CSMD3: variants seen among roughly 807,000 people sequenced by gnomAD.
CSMD3 encodes CUB and Sushi multiple domains 3, also known as CUB and sushi domain-containing protein 3.
A neutral mutation model predicts 435.2 loss-of-function variants in CSMD3; 177 were observed. That is an observed-to-expected ratio of 0.41 (90% CI 0.36 to 0.46). The LOEUF (loss-of-function observed/expected upper bound fraction) is 0.46, where lower values mean the gene tolerates loss of function less well. CSMD3 is among the 20% of genes least tolerant of loss of function. The probability of loss-of-function intolerance (pLI) is 0.34; values close to 1 mark genes in which losing one functional copy is unlikely to be tolerated. For missense variants in CSMD3, 4,265 were observed against 4,504.6 expected, an observed-to-expected ratio of 0.95 and a Z score of 1.52; for synonymous variants, 1,656 against 1,520.5, an observed-to-expected ratio of 1.09 and a Z score of -2.07.
At chr8:113,417,830 A>G (rs1226036982) in intron 1 of CSMD3, among the ~76,000 whole-genome samples, 2 of 152,118 alleles carry the variant, frequency 1.3e-5, no homozygotes, top group African/African-American at 4.8e-5. Flanking sequence ...CCACAAAATT[A>G]AATCAAATGA....
intron 5 of CSMD3, among the ~76,000 whole-genome samples, chr8:113,063,119 A>T (rs1224703678): frequency 6.6e-6 from 1 of 151,612 alleles, no homozygotes; most frequent in Non-Finnish European, 1.5e-5. Flanking sequence ...AATATTTTAC[A>T]TTTGAAGTTT....
chr8:113,414,683 G>A (rs540435632), intron 1 of CSMD3, among the ~76,000 whole-genome samples: 1 of 150,676 alleles, frequency 6.6e-6, no homozygotes, highest in South Asian at 2.1e-4. Context: ...AGTACTGGGA[G>A]GGCACAGTGG....
At chr8:112,687,288 C>T (rs182985525) in intron 14 of CSMD3, among the ~76,000 whole-genome samples, 2 of 152,004 alleles carry the variant, frequency 1.3e-5, no homozygotes, top group Non-Finnish European at 2.9e-5. Flanking sequence ...TCTTTGACTA[C>T]TAGAGAAGTT....
chr8:113,204,634 C>T (rs562752361), intron 3 of CSMD3, among the ~76,000 whole-genome samples: 1 of 152,166 alleles, frequency 6.6e-6, no homozygotes, highest in East Asian at 1.9e-4. Context: ...AACTTTCAGT[C>T]CTACAAGCTC....
intron 34 of CSMD3, 51 bp downstream of exon 34, chr8:112,408,266 TG>T (rs35988509): frequency 1 from 1,186,819 of 1,186,832 alleles, 593,403 homozygotes; most frequent in Middle Eastern, 1. Context: ...GAATACATCA[TG>T]GGAAAATTAT....
intron 61 of CSMD3, among the ~76,000 whole-genome samples, chr8:112,256,511 G>A (rs944902003): frequency 6.6e-6 from 1 of 152,152 alleles, no homozygotes; most frequent in African/African-American, 2.4e-5. Context: ...TTCTGCTGGG[G>A]CATGGCTAGC....
At position 112,341,575 on chromosome 8, in the gene CSMD3, T is replaced by A. The variant is rs951272884; in HGVS notation, c.6554A>T (p.Gln2185Leu). ...GGTGCTGAATAAGGAAGATGGTATT[T>A]GAGGACCACTAAGCCGGCCAATAAC... ...STVIGRLSGP[Q>L]IPSSLFSTTH... Residue 2185 changes from glutamine (Q) to leucine (L), a missense_variant, in exon 42 of 71, where the codon CAA becomes CTA. By Grantham distance (113) the Gln-to-Leu change is moderately radical. This residue lies in a region of CSMD3 where 3,255 missense variants were observed against 3,380.2 expected (regional missense o/e 0.96). Transcript: ENST00000297405. 1.2e-5 allele frequency: 19 copies of A among 1,612,888 alleles called. No individual in the cohort carries two copies. The highest frequency in any genetic ancestry group is 1.5e-5 in the Non-Finnish European group (18 of 1,178,974).
At chr8:113,341,185 A>G (rs1211617603) in intron 1 of CSMD3, among the ~76,000 whole-genome samples, 1 of 152,158 alleles carries the variant, frequency 6.6e-6, no homozygotes, top group Non-Finnish European at 1.5e-5. Flanking sequence ...ACATGTATGT[A>G]TATATGCATA....
At chr8:112,623,269 C>G (rs2131525695) in intron 22 of CSMD3, among the ~76,000 whole-genome samples, 1 of 152,234 alleles carries the variant, frequency 6.6e-6, no homozygotes, top group East Asian at 1.9e-4. Context: ...TCAGTTTTAC[C>G]TGTTTTACTA....
At chr8:113,307,063 T>C (rs901286803) in intron 2 of CSMD3, among the ~76,000 whole-genome samples, 1 of 152,142 alleles carries the variant, frequency 6.6e-6, no homozygotes, top group Non-Finnish European at 1.5e-5. Context: ...TAATGAAATA[T>C]ATTCTAGAAT....
chr8:112,238,613 A>G (rs979173197), intron 66 of CSMD3, among the ~76,000 whole-genome samples: 6 of 151,834 alleles, frequency 4.0e-5, no homozygotes, highest in East Asian at 1.9e-4. Context: ...ATACTGCTGA[A>G]TGTTTTCTCA....
chr8:113,238,036 T>C (rs931244166), intron 3 of CSMD3, among the ~76,000 whole-genome samples: 4 of 146,634 alleles, frequency 2.7e-5, no homozygotes, highest in South Asian at 2.2e-4. Flanking sequence ...TATCACACCA[T>C]TGCACTCCAG....
intron 1 of CSMD3, among the ~76,000 whole-genome samples, chr8:113,403,921 T>C (rs2094521336): frequency 6.6e-6 from 1 of 151,450 alleles, no homozygotes; most frequent in Non-Finnish European, 1.5e-5. Context: ...TGTAAAGTTT[T>C]AGTTTCACTC....
chr8:112,318,328 T>G (rs1822667679), intron 47 of CSMD3, among the ~76,000 whole-genome samples: 1 of 152,064 alleles, frequency 6.6e-6, no homozygotes, highest in African/African-American at 2.4e-5. Context: ...ACTGTACAGC[T>G]ATCCCCTGTA....
intron 40 of CSMD3, among the ~76,000 whole-genome samples, chr8:112,350,839 T>C (rs1184515836): frequency 6.6e-6 from 1 of 152,110 alleles, no homozygotes; most frequent in Non-Finnish European, 1.5e-5. Context: ...TAGTAAGCAA[T>C]AGAATATTTA....
intron 4 of CSMD3, among the ~76,000 whole-genome samples, chr8:113,138,073 T>A (rs566703300): frequency 3.8e-4 from 58 of 151,660 alleles, no homozygotes; most frequent in African/African-American, 1.4e-3. Context: ...CTAATGTAAT[T>A]CCAAATTGTC....
At chr8:112,339,920 TTAA>T (rs1332533273) in intron 42 of CSMD3, among the ~76,000 whole-genome samples, 1 of 152,192 alleles carries the variant, frequency 6.6e-6, no homozygotes, top group African/African-American at 2.4e-5. Flanking sequence ...ATGGCTCCTG[TTAA>T]TAATACGTCA....
intron 21 of CSMD3, among the ~76,000 whole-genome samples, 176 bp downstream of exon 21, chr8:112,638,520 T>G (rs1449775148): frequency 3.3e-5 from 5 of 151,824 alleles, no homozygotes; most frequent in Non-Finnish European, 7.4e-5. Context: ...GAGATAATCT[T>G]CAGTGTATTC....
chr8:112,326,295 TA>T (rs1031717751), intron 45 of CSMD3, among the ~76,000 whole-genome samples: 1 of 152,096 alleles, frequency 6.6e-6, no homozygotes, highest in Non-Finnish European at 1.5e-5. Flanking sequence ...ATCAACATCA[TA>T]AAAAAATACA....
Sources: allele counts gnomAD v4.1 joint callset (sites outside exome capture counted in the v4.1 genomes callset), GRCh38; gene constraint gnomAD v4.1.1; regional missense constraint gnomAD v4.1.1; transcripts MANE v1.5; gene names NCBI Gene and HGNC (gene_info 2026-07-23, HGNC 2026-07-21).